MARCHF1: variants seen among roughly 807,000 people sequenced by gnomAD.
The protein encoded by MARCHF1 is membrane associated ring-CH-type finger 1, also known as E3 ubiquitin-protein ligase MARCHF1.
Under a neutral mutation model 54.2 loss-of-function variants are expected in MARCHF1, and 40 were observed. That is an observed-to-expected ratio of 0.74 (90% CI 0.57 to 0.96). The LOEUF is 0.96. MARCHF1 is among the 40% of genes least tolerant of loss of function. The pLI is 0.00. For synonymous variants in MARCHF1, 236 were observed against 236.3 expected (o/e 1.00, Z 0.01); for missense variants, 586 against 656.5 (o/e 0.89, Z 1.17).
At chr4:164,264,860 C>T (rs1344747555) in intron 1 of MARCHF1, among the ~76,000 whole-genome samples, 3 of 148,572 alleles carry the variant, frequency 2.0e-5, no homozygotes, top group African/African-American at 7.6e-5. Flanking sequence ...GTGGAGTTTA[C>T]AGTGAGCCAA....
intron 2 of MARCHF1, among the ~76,000 whole-genome samples, chr4:164,108,806 A>C (rs145853772): frequency 6.6e-6 from 1 of 152,106 alleles, no homozygotes; most frequent in African/African-American, 2.4e-5. Flanking sequence ...ATACAAGAAA[A>C]ATAGTCTCTT....
At chr4:163,539,464 CATT>C (rs1296664559) in intron 9 of MARCHF1, among the ~76,000 whole-genome samples, 3 of 152,204 alleles carry the variant, frequency 2.0e-5, no homozygotes, top group Admixed American at 6.5e-5. Flanking sequence ...TATAAGTTTT[CATT>C]ATTGTTATTA....
chr4:163,903,125 C>A (rs1750977198), intron 3 of MARCHF1, among the ~76,000 whole-genome samples: 1 of 152,018 alleles, frequency 6.6e-6, no homozygotes, highest in Admixed American at 6.6e-5. Context: ...ACAGACAAAT[C>A]ACATAATCTT....
Position 163,635,649 on chromosome 4 carries a change from G to A in MARCHF1, c.163-22256C>T, listed in dbSNP as rs1168772373. Among the ~76,000 whole-genome samples the A allele has an allele frequency of 1.4e-4, 21 of 150,046 alleles. No individual in the cohort carries two copies. The South Asian group carries it at 1.7e-3, about 12-fold the overall frequency. On this transcript the variant is annotated intron_variant, in intron 5 of 9. Transcript: ENST00000514618. ...TCCAGGACCAGATGGATTCACAGCC[G>A]AATTCTACCAGAGGTACAAGGAGGA...
chr4:164,186,940 G>A (rs1456691157), intron 1 of MARCHF1, among the ~76,000 whole-genome samples: 2 of 152,022 alleles, frequency 1.3e-5, no homozygotes, highest in South Asian at 2.1e-4. Context: ...CCATGTTTGT[G>A]AATCAATTAT....
intron 3 of MARCHF1, among the ~76,000 whole-genome samples, chr4:163,899,379 T>C (rs571350610): frequency 5.1e-4 from 77 of 152,278 alleles, no homozygotes; most frequent in Middle Eastern, 6.8e-3. Context: ...CTATATATGA[T>C]AGATTATTCC....
At chr4:163,694,004 GATC>G (rs2111209873) in intron 5 of MARCHF1, among the ~76,000 whole-genome samples, 1 of 152,268 alleles carries the variant, frequency 6.6e-6, no homozygotes, top group Admixed American at 6.5e-5. Context: ...TAACAGAAGT[GATC>G]ATCAAGAATG....
intron 5 of MARCHF1, among the ~76,000 whole-genome samples, chr4:163,627,927 T>C (rs1029739525): frequency 6.6e-6 from 1 of 151,784 alleles, no homozygotes; most frequent in Non-Finnish European, 1.5e-5. Context: ...ATGTTAAAAA[T>C]TTACTTGAAA....
chr4:164,253,793 T>C (rs952123591), intron 1 of MARCHF1, among the ~76,000 whole-genome samples: 1 of 152,008 alleles, frequency 6.6e-6, no homozygotes, highest in African/African-American at 2.4e-5. Flanking sequence ...TTTCAAGAAA[T>C]AAATGGATAA....
intron 1 of MARCHF1, among the ~76,000 whole-genome samples, chr4:164,209,672 T>C (rs1487719390): frequency 1.3e-5 from 2 of 152,198 alleles, no homozygotes; most frequent in African/African-American, 4.8e-5. Flanking sequence ...AATAATGTTG[T>C]CCTCATTGTA....
At chr4:164,356,863 G>A (rs887563694) in intron 1 of MARCHF1, among the ~76,000 whole-genome samples, 1 of 149,998 alleles carries the variant, frequency 6.7e-6, no homozygotes, top group African/African-American at 2.4e-5. Context: ...AAATATTAGT[G>A]GTTTATCATG....
chr4:164,295,689 G>C (rs1309409699), intron 1 of MARCHF1, among the ~76,000 whole-genome samples: 2 of 152,214 alleles, frequency 1.3e-5, no homozygotes, highest in South Asian at 2.1e-4. Context: ...TCTCAATTCT[G>C]CCTATGAGAT....
At chr4:164,318,429 T>C (rs1735057305) in intron 1 of MARCHF1, among the ~76,000 whole-genome samples, 1 of 152,130 alleles carries the variant, frequency 6.6e-6, no homozygotes, top group Non-Finnish European at 1.5e-5. Context: ...CTGCCACACA[T>C]AATTCAGAAA....
At chr4:163,910,289 A>G (rs1434333530) in intron 3 of MARCHF1, among the ~76,000 whole-genome samples, 1 of 152,186 alleles carries the variant, frequency 6.6e-6, no homozygotes, top group Non-Finnish European at 1.5e-5. Flanking sequence ...AACATAAACA[A>G]CAACCATTAG....
chr4:163,856,184 T>C (rs17474390), intron 3 of MARCHF1, among the ~76,000 whole-genome samples: 5,055 of 152,216 alleles, frequency 0.033, 130 homozygotes, highest in Middle Eastern at 0.068. Context: ...CTATAAACTT[T>C]TGGCTACACC....
chr4:164,285,015 A>G (rs1419604982), intron 1 of MARCHF1, among the ~76,000 whole-genome samples: 1 of 142,796 alleles, frequency 7.0e-6, no homozygotes, highest in East Asian at 2.7e-4. Flanking sequence ...CTTTTCAGCA[A>G]GTGTTTATTT....
At chr4:163,876,456 A>G (rs1560799596) in intron 3 of MARCHF1, among the ~76,000 whole-genome samples, 1 of 152,110 alleles carries the variant, frequency 6.6e-6, no homozygotes, top group Non-Finnish European at 1.5e-5. Flanking sequence ...AACTACTTCC[A>G]CTACTGACTT....
chr4:163,863,997 C>T (rs1749996897), intron 3 of MARCHF1, among the ~76,000 whole-genome samples: 1 of 151,894 alleles, frequency 6.6e-6, no homozygotes, highest in Non-Finnish European at 1.5e-5. Flanking sequence ...ATAACATAAA[C>T]ACCCACAAGT....
intron 1 of MARCHF1, among the ~76,000 whole-genome samples, chr4:164,216,261 T>A (rs538682329): frequency 6.6e-6 from 1 of 152,370 alleles, no homozygotes; most frequent in South Asian, 2.1e-4. Flanking sequence ...TGCTGGCAGT[T>A]GATTCATTTG....
Sources: allele counts gnomAD v4.1 joint callset (sites outside exome capture counted in the v4.1 genomes callset), GRCh38; gene constraint gnomAD v4.1.1; transcripts MANE v1.5; gene names NCBI Gene and HGNC (gene_info 2026-07-23, HGNC 2026-07-21).